SLIT3: variants seen among roughly 807,000 people sequenced by gnomAD.
SLIT3 encodes slit guidance ligand 3.
A neutral mutation model predicts 184.0 loss-of-function variants in SLIT3; 68 were observed. The ratio of observed to expected loss-of-function variants is 0.37; its 90% CI spans 0.30 to 0.45. SLIT3 has a LOEUF of 0.45. Ranked by LOEUF, SLIT3 falls within the 20% of genes least tolerant of loss-of-function variation. The pLI is 1.00. For synonymous variants in SLIT3, 831 were observed against 828.6 expected (o/e 1.00, Z -0.05); for missense variants, 1,707 against 2,026.0 (o/e 0.84, Z 3.02).
Position 168,798,642 on chromosome 5 carries a change from C to T in SLIT3, c.936-3064G>A, listed in dbSNP as rs1408330111. Among the ~76,000 whole-genome samples the T allele has an allele frequency of 2.0e-5, 3 of 152,074 alleles. No homozygotes were observed. In the South Asian group the frequency reaches 6.2e-4, roughly 32 times the overall value. On this transcript the variant is annotated intron_variant, in intron 9 of 35. Coordinates refer to ENST00000519560, the MANE Select transcript of SLIT3 (RefSeq NM_003062.4). ...CATTGCATGATGAGGGTCAACCCTG[C>T]CCCAGGAGGCAGCAGGAATTTGTCT...
At chr5:168,999,571 C>T (rs1755632553) in intron 4 of SLIT3, among the ~76,000 whole-genome samples, 1 of 152,152 alleles carries the variant, frequency 6.6e-6, no homozygotes, top group African/African-American at 2.4e-5. Context: ...TGATGAACTC[C>T]TCTGAAGGAC....
chr5:168,810,317 C>A lies in SLIT3; in HGVS notation c.794-3730G>T, dbSNP rs115982408. ...ATGTGTGTTCCTCTTGTACAGCATGCTCTTATGGCGGTCTCATGACCCACA... is the reference window on the plus strand; with the variant it reads ...ATGTGTGTTCCTCTTGTACAGCATGATCTTATGGCGGTCTCATGACCCACA... On this transcript the variant is annotated intron_variant, in intron 8 of 35. Transcript: ENST00000519560. Among the ~76,000 whole-genome samples, 337 of 152,326 alleles carry A rather than the reference C, an allele frequency of 2.2e-3. 3 individuals are homozygous for A. Among genetic ancestry groups the A allele is most frequent in the African/African-American group, 7.6e-3 (317 of 41,586 alleles).
chr5:168,978,980 T>A (rs1444665869), intron 4 of SLIT3, among the ~76,000 whole-genome samples: 1 of 152,028 alleles, frequency 6.6e-6, no homozygotes, highest in Non-Finnish European at 1.5e-5. Flanking sequence ...CACCCTGTAA[T>A]AAAAGCAGGA....
In SLIT3 at chr5:168,806,377, T is replaced by G. The variant is rs981247119; in HGVS notation, c.935+69A>C. 1.1e-5 allele frequency: 18 copies of G among 1,569,272 alleles called. No homozygotes were observed. The African/African-American group carries it at 1.6e-4, about 14-fold the overall frequency. On this transcript the variant is annotated intron_variant, in intron 9 of 35. Transcript: ENST00000519560. ...CCCCACACGCTGATGGCCTAGTGGGTGATGGGCTGGGACAGGGAGCTGAAT... is the reference window on the plus strand; with the variant it reads ...CCCCACACGCTGATGGCCTAGTGGGGGATGGGCTGGGACAGGGAGCTGAAT...
intron 4 of SLIT3, among the ~76,000 whole-genome samples, chr5:169,034,837 T>C (rs928818015): frequency 2.6e-5 from 4 of 151,318 alleles, no homozygotes; most frequent in African/African-American, 7.3e-5. Flanking sequence ...CCTTGACCTC[T>C]CCATGCTCAG....
intron 12 of SLIT3, among the ~76,000 whole-genome samples, chr5:168,778,136 T>C (rs532487021): frequency 2.0e-4 from 31 of 152,292 alleles, no homozygotes; most frequent in African/African-American, 6.3e-4. Context: ...GTAACTGCTG[T>C]GTGAAATGAT....
chr5:169,086,766 C>T (rs943031880), intron 4 of SLIT3, among the ~76,000 whole-genome samples: 6 of 152,154 alleles, frequency 3.9e-5, no homozygotes, highest in East Asian at 3.9e-4. Context: ...AATTCATCTC[C>T]GGGAAATCTA....
At chr5:168,762,079 A>G (rs1755174225) in intron 15 of SLIT3, among the ~76,000 whole-genome samples, 1 of 150,426 alleles carries the variant, frequency 6.6e-6, no homozygotes, top group African/African-American at 2.5e-5. Context: ...CCCAGCTATA[A>G]TTTTTTAGCT....
chr5:169,093,062 G>T (rs1759649521), intron 4 of SLIT3, among the ~76,000 whole-genome samples: 1 of 152,140 alleles, frequency 6.6e-6, no homozygotes, highest in Admixed American at 6.5e-5. Flanking sequence ...GGATATATTT[G>T]TTAGGCCTCT....
At chr5:168,785,581 A>G (rs1193582157) in intron 12 of SLIT3, among the ~76,000 whole-genome samples, 3 of 152,194 alleles carry the variant, frequency 2.0e-5, no homozygotes, top group Admixed American at 1.3e-4. Flanking sequence ...TTAGCACACT[A>G]CTGAAAAATG....
intron 4 of SLIT3, among the ~76,000 whole-genome samples, chr5:168,942,918 C>T (rs966735992): frequency 2.0e-5 from 3 of 152,200 alleles, no homozygotes; most frequent in Admixed American, 1.3e-4. Context: ...GATCCATTAA[C>T]AATGCCTGCA....
At chr5:168,856,746 A>G (rs565455198) in intron 5 of SLIT3, among the ~76,000 whole-genome samples, 1 of 146,484 alleles carries the variant, frequency 6.8e-6, no homozygotes. Context: ...TTGCATTTGC[A>G]TTTCAGAAGC....
chr5:168,724,349 C>T (rs1763037773), intron 21 of SLIT3, 67 bp downstream of exon 21: 1 of 1,286,464 alleles, frequency 7.8e-7, no homozygotes, highest in Admixed American at 1.9e-5. Context: ...TCTTACCATC[C>T]ACTTCAGTTT....
chr5:169,000,221 G>A (rs981523122), intron 4 of SLIT3, among the ~76,000 whole-genome samples: 7 of 151,534 alleles, frequency 4.6e-5, no homozygotes, highest in Non-Finnish European at 7.4e-5. Context: ...GTGAAACCTC[G>A]TTTCTACTAA....
Position 168,723,086 on chromosome 5 carries a change from G to GCCATCCACCCACTCATCTACCCATCCAC in SLIT3, c.2340-110_2340-83dup, listed in dbSNP as rs968080275. 2.4e-5 allele frequency: 22 copies of GCCATCCACCCACTCATCTACCCATCCAC among 923,322 alleles called. No homozygotes were observed. In the African/African-American group the frequency reaches 3.6e-4, roughly 15 times the overall value. 57.2% of individuals were successfully genotyped at this position (923,322 alleles called of 1,614,324 possible). A position where few individuals can be genotyped will look rare whatever the true frequency, so the allele number is the denominator to read the frequency against. ...CCATTCCCAAGTATCACACATACCT[G>GCCATCCACCCACTCATCTACCCATCCAC]CCATCCACCCACTCATCTACCCATC... On this transcript the variant is annotated intron_variant, in intron 21 of 35. Coordinates refer to ENST00000519560, the MANE Select transcript of SLIT3 (RefSeq NM_003062.4).
intron 3 of SLIT3, among the ~76,000 whole-genome samples, chr5:169,226,560 T>A (rs1045771770): frequency 1.3e-5 from 2 of 152,156 alleles, no homozygotes; most frequent in Non-Finnish European, 2.9e-5. Flanking sequence ...CAAATGCTGA[T>A]AATAGTCCCC....
At chr5:169,239,902 T>C (rs1765336750) in intron 3 of SLIT3, among the ~76,000 whole-genome samples, 1 of 152,190 alleles carries the variant, frequency 6.6e-6, no homozygotes, top group African/African-American at 2.4e-5. Context: ...TTGAATAATA[T>C]AGCTTAAAGG....
At chr5:169,264,622 C>G (rs370565080) in intron 1 of SLIT3, among the ~76,000 whole-genome samples, 1 of 152,180 alleles carries the variant, frequency 6.6e-6, no homozygotes, top group East Asian at 1.9e-4. Context: ...AAGAGAGAAA[C>G]AGCATGTGTT....
At chr5:169,239,374 A>G (rs1765315079) in intron 3 of SLIT3, among the ~76,000 whole-genome samples, 1 of 152,038 alleles carries the variant, frequency 6.6e-6, no homozygotes, top group South Asian at 2.1e-4. Context: ...TTCTTTTAAC[A>G]GAATGAGTTT....
Sources: allele counts gnomAD v4.1 joint callset (sites outside exome capture counted in the v4.1 genomes callset), GRCh38; gene constraint gnomAD v4.1.1; transcripts MANE v1.5; gene names NCBI Gene and HGNC (gene_info 2026-07-23, HGNC 2026-07-21).